ACTR3C: variants seen among roughly 807,000 people sequenced by gnomAD.
ACTR3C encodes the protein actin-related protein 3C.
ACTR3C carries 18 observed loss-of-function variants against 26.3 expected under a neutral mutation model. The observed-to-expected ratio is 0.68, with a 90% CI of 0.47 to 1.01. ACTR3C has a LOEUF of 1.01. Among genes scored for constraint, ACTR3C ranks in the 50% least tolerant of loss-of-function variants. ACTR3C has a pLI of 0.00. For missense variants in ACTR3C, 184 were observed against 250.7 expected, an observed-to-expected ratio of 0.73 and a Z score of 1.80; for synonymous variants, 55 against 94.5, an observed-to-expected ratio of 0.58 and a Z score of 2.42.
the ACTR3C span, among the ~76,000 whole-genome samples, chr7:150,041,727 C>A: frequency 6.9e-5 from 7 of 101,624 alleles, no homozygotes; most frequent in East Asian, 1.0e-3. Flanking sequence ...CCTCCCCCTC[C>A]TGCGATGGGG....
At chr7:149,910,845 C>A in the ACTR3C span, among the ~76,000 whole-genome samples, 26 of 146,732 alleles carry the variant, frequency 1.8e-4, no homozygotes, top group East Asian at 3.0e-3. Context: ...CTGGGGAAAC[C>A]AAAAAAAAAA....
At chr7:149,948,713 G>T in the ACTR3C span, among the ~76,000 whole-genome samples, 3 of 152,094 alleles carry the variant, frequency 2.0e-5, no homozygotes, top group East Asian at 5.8e-4. Context: ...TTTGAAGGAG[G>T]TGACTCCCTT....
chr7:150,261,566 G>A (rs1019115781), intron 6 of ACTR3C, among the ~76,000 whole-genome samples: 1 of 152,252 alleles, frequency 6.6e-6, no homozygotes, highest in Non-Finnish European at 1.5e-5. Context: ...GCAGGGCGTG[G>A]TGGCACATGC....
chr7:150,057,561 C>G, the ACTR3C span, among the ~76,000 whole-genome samples: 1 of 152,116 alleles, frequency 6.6e-6, no homozygotes, highest in Non-Finnish European at 1.5e-5. Flanking sequence ...GCTGGGATTA[C>G]AGACATGAGC....
the ACTR3C span, among the ~76,000 whole-genome samples, chr7:149,910,366 A>G: frequency 1.3e-5 from 2 of 152,212 alleles, no homozygotes; most frequent in African/African-American, 4.8e-5. Flanking sequence ...TTTTCTGTCA[A>G]GACACTGCAT....
chr7:149,969,020 A>AGAG, the ACTR3C span, among the ~76,000 whole-genome samples: 2 of 151,740 alleles, frequency 1.3e-5, no homozygotes, highest in Admixed American at 1.3e-4. Context: ...AGGAACAAAG[A>AGAG]TTTCAGCTTC....
the ACTR3C span, chr7:150,047,746 C>T: frequency 0.33 from 489,306 of 1,461,898 alleles, 86,508 homozygotes; most frequent in East Asian, 0.7. Context: ...CCTGCGCCGC[C>T]GTCCTCCTCG....
the ACTR3C span, among the ~76,000 whole-genome samples, chr7:150,185,276 CGTGTGTGTGTGTGTGTGTGT>C: frequency 7.1e-6 from 1 of 140,982 alleles, no homozygotes; most frequent in African/African-American, 2.6e-5. Flanking sequence ...AAATGTCAGG[CGTGTGTGTGTGTGTGTGTGT>C]GTGTGTGTGT....
chr7:150,305,153 G>A (rs923179765), intron 1 of ACTR3C, among the ~76,000 whole-genome samples: 1 of 152,134 alleles, frequency 6.6e-6, no homozygotes, highest in African/African-American at 2.4e-5. Flanking sequence ...CCCAGCTGGT[G>A]CAGAAGAAAG....
chr7:150,076,028 T>G, the ACTR3C span, among the ~76,000 whole-genome samples: 1 of 152,164 alleles, frequency 6.6e-6, no homozygotes, highest in Non-Finnish European at 1.5e-5. Context: ...TTTTACAGAT[T>G]GTCTCAATCA....
chr7:149,975,316 A>G, the ACTR3C span, among the ~76,000 whole-genome samples: 1 of 152,238 alleles, frequency 6.6e-6, no homozygotes, highest in Admixed American at 6.5e-5. Flanking sequence ...TAAGGAGGAA[A>G]CCACAAGGGA....
chr7:150,317,850 C>A (rs190250391), intron 1 of ACTR3C, among the ~76,000 whole-genome samples: 126 of 152,060 alleles, frequency 8.3e-4, no homozygotes, highest in African/African-American at 2.9e-3. Context: ...CTCTTTAAAT[C>A]TATGACCACC....
the ACTR3C span, among the ~76,000 whole-genome samples, chr7:149,961,019 G>A: frequency 3.3e-5 from 5 of 151,946 alleles, no homozygotes; most frequent in African/African-American, 7.3e-5. Context: ...CACAGGAAGT[G>A]CACTGAGAGA....
chr7:150,038,699 C>T, the ACTR3C span, among the ~76,000 whole-genome samples: 2 of 142,240 alleles, frequency 1.4e-5, no homozygotes, highest in Admixed American at 1.4e-4. Context: ...ACACCTAACA[C>T]CCACAGTCCT....
the ACTR3C span, among the ~76,000 whole-genome samples, chr7:150,008,982 G>A: frequency 3.9e-5 from 6 of 152,236 alleles, no homozygotes; most frequent in African/African-American, 1.2e-4. Flanking sequence ...AGAGGGCACC[G>A]AACATCTCAG....
At chr7:150,224,485 T>G in the ACTR3C span, among the ~76,000 whole-genome samples, 1 of 152,244 alleles carries the variant, frequency 6.6e-6, no homozygotes, top group East Asian at 1.9e-4. Flanking sequence ...GATAAGATAG[T>G]TTCTCACATG....
the ACTR3C span, among the ~76,000 whole-genome samples, chr7:150,051,614 C>T: frequency 1.5e-5 from 2 of 132,768 alleles, no homozygotes; most frequent in Non-Finnish European, 3.3e-5. Flanking sequence ...TATTTAATGT[C>T]GAGTTTAATT....
chr7:149,931,063 G>T, the ACTR3C span, among the ~76,000 whole-genome samples: 6 of 152,116 alleles, frequency 3.9e-5, no homozygotes, highest in African/African-American at 1.2e-4. Flanking sequence ...ACAGGGTTTC[G>T]CCATGTTGGC....
At chr7:150,045,343 T>G in the ACTR3C span, among the ~76,000 whole-genome samples, 3 of 152,204 alleles carry the variant, frequency 2.0e-5, no homozygotes, top group Admixed American at 2.0e-4. Flanking sequence ...CTAAGAAGAG[T>G]GCATAAAAGT....
Sources: gnomAD v4.1 joint callset for allele counts (sites outside exome capture counted in the v4.1 genomes callset) on GRCh38, gnomAD v4.1.1 for gene constraint, MANE v1.5 for transcripts, NCBI Gene and HGNC (gene_info 2026-07-23, HGNC 2026-07-21) for gene names.